RAPGEF6: variants seen among roughly 807,000 people sequenced by gnomAD.
RAPGEF6 encodes the protein PDZ domain containing guanine nucleotide exchange factor (GEF) 2.
Under a neutral mutation model 171.4 loss-of-function variants are expected in RAPGEF6, and 56 were observed. That is an observed-to-expected ratio of 0.33 (90% CI 0.26 to 0.41). The LOEUF (loss-of-function observed/expected upper bound fraction) is 0.41. Ranked by LOEUF, RAPGEF6 falls within the 10% of genes least tolerant of loss-of-function variation. RAPGEF6 has a pLI of 1.00. For synonymous variants in RAPGEF6, 692 were observed against 650.1 expected, an observed-to-expected ratio of 1.06 and a Z score of -0.98; for missense variants, 1,674 against 1,921.4, an observed-to-expected ratio of 0.87 and a Z score of 2.41.
chr5:131,628,773 T>G (rs915385237), intron 1 of RAPGEF6, among the ~76,000 whole-genome samples: 2 of 152,136 alleles, frequency 1.3e-5, no homozygotes, highest in African/African-American at 4.8e-5. Context: ...CCTAAGGCCC[T>G]TAAGAATTAT....
At chr5:131,581,726 G>A (rs1003482367) in intron 4 of RAPGEF6, among the ~76,000 whole-genome samples, 8 of 152,030 alleles carry the variant, frequency 5.3e-5, no homozygotes, top group African/African-American at 1.9e-4. Context: ...CCTCTGAGCT[G>A]GGCACACCAT....
At position 131,429,064 on chromosome 5, in the gene RAPGEF6, TTG is replaced by T. The variant is rs1409009069; in HGVS notation, c.4616_4617del (p.Ser1539Ter). ...CTAGAGAGGCTGTTATGCATCATCT[TTG>T]ACCTCTGCACTGCCACACTATAATC... is the stretch of plus-strand genomic sequence containing the variant. ...PPDYSVAVQR[S>X]KMMHNSLSRL... On this transcript the variant is annotated frameshift_variant, in exon 27 of 28. Coordinates refer to ENST00000509018, the MANE Select transcript of RAPGEF6 (RefSeq NM_016340.6). LOFTEE classifies it high-confidence loss of function. The T allele has an allele frequency of 6.2e-7, 1 of 1,614,172 alleles. No individual in the cohort carries two copies. The highest frequency in any genetic ancestry group is 1.7e-5 in the Admixed American group (1 of 60,018).
chr5:131,565,204 C>T (rs1201564566), intron 4 of RAPGEF6, among the ~76,000 whole-genome samples: 1 of 151,886 alleles, frequency 6.6e-6, no homozygotes, highest in Non-Finnish European at 1.5e-5. Flanking sequence ...AATAAAAGCG[C>T]AATACCCAAA....
intron 1 of RAPGEF6, among the ~76,000 whole-genome samples, chr5:131,630,197 G>A (rs1403369830): frequency 2.0e-5 from 3 of 152,214 alleles, no homozygotes; most frequent in Non-Finnish European, 2.9e-5. Flanking sequence ...GTCAGCAGCA[G>A]CTATCAACAC....
intron 1 of RAPGEF6, among the ~76,000 whole-genome samples, chr5:131,619,745 G>A (rs540523171): frequency 6.6e-6 from 1 of 152,252 alleles, no homozygotes; most frequent in East Asian, 1.9e-4. Context: ...CTGCTGACAT[G>A]TCATTCTCTC....
chr5:131,442,297 C>A (rs1187460986), intron 23 of RAPGEF6, 52 bp downstream of exon 23: 1 of 1,490,842 alleles, frequency 6.7e-7, no homozygotes, highest in African/African-American at 1.4e-5. Flanking sequence ...TTCACTCTAA[C>A]TCCCCTGGAA....
At chr5:131,558,196 T>C (rs1291155967) in intron 5 of RAPGEF6, among the ~76,000 whole-genome samples, 1 of 151,746 alleles carries the variant, frequency 6.6e-6, no homozygotes, top group Non-Finnish European at 1.5e-5. Context: ...ATCTTCTGTT[T>C]GTGTGTGTAT....
At chr5:131,544,255 T>C (rs2149943638) in intron 6 of RAPGEF6, among the ~76,000 whole-genome samples, 1 of 152,260 alleles carries the variant, frequency 6.6e-6, no homozygotes, top group African/African-American at 2.4e-5. Flanking sequence ...ACATAAATGT[T>C]TACAGTAGCT....
At position 131,427,190 on chromosome 5, in the gene RAPGEF6, G is replaced by A; in HGVS notation, c.*76C>T. 1 of 1,373,636 alleles carries A rather than the reference G, an allele frequency of 7.3e-7. No individual in the cohort carries two copies. 85.1% of individuals were successfully genotyped at this position (1,373,636 alleles called of 1,614,324 possible). A position where few individuals can be genotyped will look rare whatever the true frequency, so the allele number is the denominator to read the frequency against. ...TAGCAATGAGCTGTTCGTTAGCAAT[G>A]GCCTGCAGAATCATGAGGTGGTTCT... On this transcript the variant is annotated 3_prime_UTR_variant, in exon 28 of 28. Transcript: ENST00000509018.
At chr5:131,575,694 T>C (rs1762564791) in intron 4 of RAPGEF6, among the ~76,000 whole-genome samples, 1 of 152,166 alleles carries the variant, frequency 6.6e-6, no homozygotes, top group African/African-American at 2.4e-5. Context: ...TTTTGTTCCT[T>C]AAAGACAGCC....
intron 3 of RAPGEF6, among the ~76,000 whole-genome samples, chr5:131,600,114 G>T (rs1427335659): frequency 1.3e-5 from 2 of 152,144 alleles, no homozygotes; most frequent in African/African-American, 2.4e-5. Context: ...TATCACAACA[G>T]ACTGAATGCA....
chr5:131,543,339 A>G (rs926605649), intron 6 of RAPGEF6, among the ~76,000 whole-genome samples: 2 of 152,226 alleles, frequency 1.3e-5, no homozygotes, highest in Admixed American at 1.3e-4. Context: ...TGATAAAGAA[A>G]TTAAATAATA....
chr5:131,545,940 C>T (rs1203810770), intron 6 of RAPGEF6, among the ~76,000 whole-genome samples: 1 of 152,152 alleles, frequency 6.6e-6, no homozygotes, highest in Non-Finnish European at 1.5e-5. Context: ...TTAGCGTTAT[C>T]AAACAAACAG....
intron 4 of RAPGEF6, among the ~76,000 whole-genome samples, chr5:131,574,250 A>G (rs1360835936): frequency 6.6e-6 from 1 of 152,130 alleles, no homozygotes; most frequent in Admixed American, 6.5e-5. Flanking sequence ...TCCAATTCAC[A>G]TCGCCGCTGC....
chr5:131,535,469 T>C (rs1266599904), intron 6 of RAPGEF6, among the ~76,000 whole-genome samples: 3 of 152,160 alleles, frequency 2.0e-5, no homozygotes, highest in African/African-American at 7.2e-5. Context: ...TCAATTCAAA[T>C]GAATTAAGTG....
In RAPGEF6 at chr5:131,427,160, G is replaced by T; in HGVS notation, c.*106C>A. The T allele has an allele frequency of 9.9e-7, 1 of 1,014,926 alleles. No homozygotes were observed. Among genetic ancestry groups the T allele is most frequent in the Non-Finnish European group, 1.6e-6 (1 of 636,760 alleles). 62.9% of individuals were successfully genotyped at this position (1,014,926 alleles called of 1,614,324 possible). On this transcript the variant is annotated 3_prime_UTR_variant, in exon 28 of 28. Transcript: ENST00000509018. ...GTAGAGGGAATAAAACCTCTGGACT[G>T]GTTGTAGCAATGAGCTGTTCGTTAG...
chr5:131,514,784 T>C (rs375478892), intron 7 of RAPGEF6, among the ~76,000 whole-genome samples: 4 of 152,054 alleles, frequency 2.6e-5, no homozygotes, highest in Admixed American at 2.6e-4. Context: ...AGTGGAAATA[T>C]GTGGGTCAAA....
chr5:131,430,757 G>C, intron 26 of RAPGEF6, 102 bp downstream of exon 26: 1 of 1,439,606 alleles, frequency 6.9e-7, no homozygotes, highest in Non-Finnish European at 9.6e-7. Context: ...GGTTGTTAGA[G>C]AATGAATTTT....
At chr5:131,547,593 T>A (rs965568831) in intron 6 of RAPGEF6, among the ~76,000 whole-genome samples, 3 of 150,354 alleles carry the variant, frequency 2.0e-5, no homozygotes, top group African/African-American at 4.9e-5. Context: ...CACTACAACC[T>A]CTGCCTCCTG....
Sources: gnomAD v4.1 joint callset for allele counts (sites outside exome capture counted in the v4.1 genomes callset) on GRCh38, gnomAD v4.1.1 for gene constraint, MANE v1.5 for transcripts, NCBI Gene and HGNC (gene_info 2026-07-23, HGNC 2026-07-21) for gene names.